Variants in UBAC2 observed in about 807,000 individuals in gnomAD.
UBAC2 encodes the protein UBA domain containing 2, also known as ubiquitin-associated domain-containing protein 2.
UBAC2 carries 26 observed loss-of-function variants against 44.0 expected under a neutral mutation model. The ratio of observed to expected loss-of-function variants is 0.59; its 90% CI spans 0.43 to 0.82. The LOEUF is 0.82. Among genes scored for constraint, UBAC2 ranks in the 40% least tolerant of loss-of-function variants. The pLI is 0.00. For missense variants in UBAC2, 329 were observed against 419.4 expected, an observed-to-expected ratio of 0.78 and a Z score of 1.88; for synonymous variants, 155 against 154.3, an observed-to-expected ratio of 1.00 and a Z score of -0.04.
rs771267046 is a variant in UBAC2 at position 99,243,950 on chromosome 13, C to G, written c.278C>G (p.Ala93Gly). Residue 93 changes from alanine to glycine, a missense_variant and splice_region_variant, in exon 3 of 9, where the codon GCA (alanine) becomes GGA (glycine). Physicochemically the swap from Ala to Gly is moderately conservative, Grantham distance 60. Coordinates refer to ENST00000403766, the MANE Select transcript of UBAC2 (RefSeq NM_001144072.2). ...FERRYGSRKF[A>G]SFLLGSWVLS... Reference sequence around the variant, plus strand: ...AGAAGATATGGAAGCAGAAAATTTGCAGTAAGTTTTTATGTATTTTGTCTT... The same window carrying G: ...AGAAGATATGGAAGCAGAAAATTTGGAGTAAGTTTTTATGTATTTTGTCTT... The G allele has an allele frequency of 2.0e-6, 3 of 1,527,552 alleles. No homozygotes were observed. The South Asian group carries it at 3.8e-5, about 19-fold the overall frequency. 94.6% of individuals were successfully genotyped at this position (1,527,552 alleles called of 1,614,324 possible). A position where few individuals can be genotyped will look rare whatever the true frequency, so the allele number is the denominator to read the frequency against.
rs984398966 is a variant in UBAC2 at position 99,289,058 on chromosome 13, CACTT to C, written c.390-25034_390-25031del. On this transcript the variant is annotated intron_variant, in intron 4 of 8. Coordinates refer to ENST00000403766, the MANE Select transcript of UBAC2 (RefSeq NM_001144072.2). ...GGCAAAGAGCTTGCCTATTATCTAA[CACTT>C]ACTTCACTGACAAGACAATTGAAGT... Among the ~76,000 whole-genome samples, 25 of 152,308 alleles carry C rather than the reference CACTT, an allele frequency of 1.6e-4. No individual in the cohort carries two copies. The South Asian group carries it at 1.7e-3, about 10-fold the overall frequency.
intron 6 of UBAC2, among the ~76,000 whole-genome samples, chr13:99,330,179 G>A (rs2044694793): frequency 6.6e-6 from 1 of 151,916 alleles, no homozygotes; most frequent in Admixed American, 6.6e-5. Context: ...ACAGCTGATT[G>A]GCTGGGTGTG....
chr13:99,255,724 G>A, intron 4 of UBAC2: 1 of 1,613,872 alleles, frequency 6.2e-7, no homozygotes. Context: ...CTTCTTGGTG[G>A]TACAACTGAA....
chr13:99,367,308 A>G (rs1220861768), intron 7 of UBAC2, among the ~76,000 whole-genome samples: 2 of 152,176 alleles, frequency 1.3e-5, no homozygotes, highest in Admixed American at 1.3e-4. Context: ...CTTCAGTCAT[A>G]AGAAGAAGAA....
chr13:99,342,217 A>G (rs1022212672), intron 7 of UBAC2, among the ~76,000 whole-genome samples: 1 of 152,232 alleles, frequency 6.6e-6, no homozygotes, highest in African/African-American at 2.4e-5. Flanking sequence ...GAGCACAGTG[A>G]AGCTGGGAGA....
At chr13:99,368,023 G>A in intron 8 of UBAC2, 117 bp downstream of exon 8, 3 of 1,259,768 alleles carry the variant, frequency 2.4e-6, no homozygotes, top group Non-Finnish European at 3.3e-6. Context: ...GGTGACAGCA[G>A]TCCATCTGCC....
At chr13:99,205,539 AT>A (rs1172400281) in intron 1 of UBAC2, among the ~76,000 whole-genome samples, 2 of 152,132 alleles carry the variant, frequency 1.3e-5, no homozygotes, top group Non-Finnish European at 2.9e-5. Flanking sequence ...GAAACCTGTT[AT>A]TTTTTGTTTT....
intron 1 of UBAC2, among the ~76,000 whole-genome samples, chr13:99,217,233 G>T (rs979760033): frequency 2.0e-5 from 3 of 152,178 alleles, no homozygotes; most frequent in Non-Finnish European, 2.9e-5. Context: ...GGAGATGTTG[G>T]CAGAGTCAGT....
chr13:99,236,478 T>A (rs2043233942), intron 1 of UBAC2, among the ~76,000 whole-genome samples: 2 of 152,296 alleles, frequency 1.3e-5, no homozygotes, highest in Middle Eastern at 3.4e-3. Context: ...ACATTATTGA[T>A]CATCAGAGAA....
chr13:99,269,281 A>G (rs1451094128), intron 4 of UBAC2, among the ~76,000 whole-genome samples: 1 of 152,164 alleles, frequency 6.6e-6, no homozygotes, highest in African/African-American at 2.4e-5. Context: ...GCTCTTCTTT[A>G]TTGTGAGATT....
chr13:99,327,323 T>C (rs1470434032), intron 6 of UBAC2, among the ~76,000 whole-genome samples: 1 of 152,232 alleles, frequency 6.6e-6, no homozygotes, highest in East Asian at 1.9e-4. Flanking sequence ...TACTTTTACA[T>C]TGTAGAGATT....
chr13:99,275,826 G>C (rs868363232), intron 4 of UBAC2, among the ~76,000 whole-genome samples: 1 of 152,098 alleles, frequency 6.6e-6, no homozygotes, highest in African/African-American at 2.4e-5. Flanking sequence ...TGAGGTCCTC[G>C]ATGACCATGG....
At chr13:99,283,741 TTTTTTTTTTTTG>T (rs2043983330) in intron 4 of UBAC2, among the ~76,000 whole-genome samples, 4 of 99,170 alleles carry the variant, frequency 4.0e-5, no homozygotes, top group Non-Finnish European at 4.2e-5. Flanking sequence ...TTTTTTTTTT[TTTTTTTTTTTTG>T]AGACTGAGTC....
chr13:99,280,683 T>A (rs2043941206), intron 4 of UBAC2, among the ~76,000 whole-genome samples: 2 of 152,216 alleles, frequency 1.3e-5, no homozygotes, highest in Admixed American at 6.5e-5. Flanking sequence ...GAGTGTTCTT[T>A]AATACCAAAG....
chr13:99,245,928 C>G (rs974331230), intron 4 of UBAC2, among the ~76,000 whole-genome samples: 1 of 152,120 alleles, frequency 6.6e-6, no homozygotes, highest in African/African-American at 2.4e-5. Flanking sequence ...TAAATGACCT[C>G]CAAGCATCTG....
At chr13:99,380,980 G>A (rs1297170193) in intron 8 of UBAC2, among the ~76,000 whole-genome samples, 1 of 152,230 alleles carries the variant, frequency 6.6e-6, no homozygotes, top group Admixed American at 6.5e-5. Flanking sequence ...GACAGCAGAC[G>A]CTCTCTTCTG....
At chr13:99,202,137 C>G (rs1236685761) in intron 1 of UBAC2, among the ~76,000 whole-genome samples, 1 of 151,434 alleles carries the variant, frequency 6.6e-6, no homozygotes, top group Non-Finnish European at 1.5e-5. Flanking sequence ...ATGTGTGTCT[C>G]GTCTTATAGT....
intron 4 of UBAC2, among the ~76,000 whole-genome samples, chr13:99,281,782 A>T (rs187472357): frequency 4.6e-5 from 7 of 152,326 alleles, no homozygotes; most frequent in Middle Eastern, 3.4e-3. Context: ...GTGCCTTCTG[A>T]ATCAAAGTGG....
intron 4 of UBAC2, chr13:99,255,720 G>T: frequency 6.2e-7 from 1 of 1,613,868 alleles, no homozygotes; most frequent in Non-Finnish European, 8.5e-7. Flanking sequence ...TTCTCTTCTT[G>T]GTGGTACAAC....
Sources: allele counts gnomAD v4.1 joint callset (sites outside exome capture counted in the v4.1 genomes callset), GRCh38; gene constraint gnomAD v4.1.1; transcripts MANE v1.5; gene names NCBI Gene and HGNC (gene_info 2026-07-23, HGNC 2026-07-21).